The following CHN2 variants were observed in gnomAD, a reference collection of about 807,000 sequenced individuals.
The protein encoded by CHN2 is chimerin 2, also known as beta-chimaerin.
CHN2 carries 35 observed loss-of-function variants against 56.3 expected under a neutral mutation model. The ratio of observed to expected loss-of-function variants is 0.62; its 90% CI spans 0.47 to 0.82. The LOEUF is 0.82. Among genes scored for constraint, CHN2 ranks in the 40% least tolerant of loss-of-function variants. The pLI, the probability that CHN2 is intolerant of heterozygous loss-of-function variation, is 0.00. For missense variants in CHN2, 491 were observed against 580.5 expected (o/e 0.85, Z 1.58); for synonymous variants, 210 against 212.8 (o/e 0.99, Z 0.12).
intron 1 of CHN2, among the ~76,000 whole-genome samples, chr7:29,328,440 A>T (rs963307379): frequency 6.6e-5 from 10 of 152,006 alleles, no homozygotes; most frequent in Admixed American, 5.9e-4. Flanking sequence ...ACTTGGGCTG[A>T]ATTTATATAG....
At chr7:29,160,988 G>C (rs1257269703) in intron 2 of CHN2, among the ~76,000 whole-genome samples, 3 of 152,024 alleles carry the variant, frequency 2.0e-5, no homozygotes, top group African/African-American at 7.3e-5. Flanking sequence ...TCCTCTGATT[G>C]AGTTTTTCCT....
intron 6 of CHN2, among the ~76,000 whole-genome samples, chr7:29,409,792 A>G (rs1010322590): frequency 6.6e-5 from 10 of 152,254 alleles, no homozygotes; most frequent in African/African-American, 1.7e-4. Context: ...GGGATCCCCA[A>G]ACATTGGTGG....
chr7:29,455,895 A>G lies in CHN2; in HGVS notation c.577-24384A>G, dbSNP rs925530850. Among the ~76,000 whole-genome samples, 77 of 152,302 alleles carry G rather than the reference A, an allele frequency of 5.1e-4. 1 individual carries two copies. The highest frequency in any genetic ancestry group is 1.5e-3 in the African/African-American group (63 of 41,572). ...CTCAGCTCACCCTGCATTAAGAACAACAACAGCAGCCATGTGCTCAGAGCA... is the reference window on the plus strand; with the variant it reads ...CTCAGCTCACCCTGCATTAAGAACAGCAACAGCAGCCATGTGCTCAGAGCA... On this transcript the variant is annotated intron_variant, in intron 6 of 12. Coordinates refer to ENST00000222792, the MANE Select transcript of CHN2 (RefSeq NM_004067.4).
chr7:29,390,666 T>C (rs531374257), intron 3 of CHN2, among the ~76,000 whole-genome samples: 31 of 152,346 alleles, frequency 2.0e-4, no homozygotes, highest in African/African-American at 7.2e-4. Context: ...CTCATACAAT[T>C]GGAAACAGAA....
At chr7:29,405,089 G>C (rs913697453) in intron 6 of CHN2, among the ~76,000 whole-genome samples, 2 of 151,042 alleles carry the variant, frequency 1.3e-5, no homozygotes, top group African/African-American at 4.9e-5. Context: ...ATAATGCGCT[G>C]TGTATTAAAT....
chr7:29,310,928 A>G (rs1301195993), intron 1 of CHN2, among the ~76,000 whole-genome samples: 1 of 152,216 alleles, frequency 6.6e-6, no homozygotes, highest in Non-Finnish European at 1.5e-5. Context: ...AGTTTATGAC[A>G]TTGACTAAAT....
chr7:29,202,500 G>A (rs1355582160), intron 1 of CHN2, among the ~76,000 whole-genome samples: 1 of 152,214 alleles, frequency 6.6e-6, no homozygotes, highest in Admixed American at 6.5e-5. Flanking sequence ...TGTCTTTAAA[G>A]TGTCAAGTTA....
chr7:29,497,884 G>C (rs552501520), intron 8 of CHN2, among the ~76,000 whole-genome samples: 8 of 152,156 alleles, frequency 5.3e-5, no homozygotes, highest in Non-Finnish European at 1.0e-4. Flanking sequence ...AAGTTGAATG[G>C]TAGTTACAGG....
chr7:29,509,554 A>C, intron 12 of CHN2, 148 bp downstream of exon 12: 1 of 601,980 alleles, frequency 1.7e-6, no homozygotes, highest in Non-Finnish European at 2.9e-6. Context: ...TATCATCCCT[A>C]TGAAAGGGGC....
Position 29,512,771 on chromosome 7 carries a change from ATCC to A in CHN2, c.*37_*39del, listed in dbSNP as rs1260424348. ...AAATGAGCTGAATGGCCCCAGCACC[ATCC>A]AAGTTGACACAGCTAAAGGAATAAA... On this transcript the variant is annotated 3_prime_UTR_variant, in exon 13 of 13. Transcript: ENST00000222792. 1 of 1,586,284 alleles carries A rather than the reference ATCC, an allele frequency of 6.3e-7. No homozygotes were observed. Among genetic ancestry groups the A allele is most frequent in the Admixed American group, 1.8e-5 (1 of 54,126 alleles).
intron 4 of CHN2, 53 bp from the exon 5 acceptor site, chr7:29,398,320 G>A: frequency 7.4e-7 from 1 of 1,345,352 alleles, no homozygotes; most frequent in Non-Finnish European, 1.1e-6. Flanking sequence ...GTTCTTTGTG[G>A]TCCTTATTCT....
chr7:29,187,553 G>A (rs1020760081), intron 2 of CHN2, among the ~76,000 whole-genome samples: 16 of 151,904 alleles, frequency 1.1e-4, no homozygotes, highest in African/African-American at 3.9e-4. Flanking sequence ...GAGAAACCCC[G>A]TCTCTACTAA....
In CHN2 at chr7:29,392,644, G is replaced by A. The variant is rs1002070674; in HGVS notation, c.145-1035G>A. Among the ~76,000 whole-genome samples, 10 of 152,134 alleles carry A rather than the reference G, an allele frequency of 6.6e-5. 1 individual carries two copies. The South Asian group carries it at 2.1e-3, about 32-fold the overall frequency. ...CCGCCTTTCTGAGCCTCTTCCCCTA[G>A]CTCCTAGTGTCCTGTTACCTATTCA... On this transcript the variant is annotated intron_variant, in intron 3 of 12. Transcript: ENST00000222792.
intron 2 of CHN2, among the ~76,000 whole-genome samples, chr7:29,362,856 T>C (rs1798851617): frequency 6.6e-6 from 1 of 152,210 alleles, no homozygotes; most frequent in Non-Finnish European, 1.5e-5. Context: ...CCCCCATCAC[T>C]GGCATCTCCT....
intron 1 of CHN2, among the ~76,000 whole-genome samples, chr7:29,202,309 G>C (rs1784221510): frequency 6.6e-6 from 1 of 152,204 alleles, no homozygotes; most frequent in Non-Finnish European, 1.5e-5. Context: ...CCACATCAGG[G>C]CAAAGCAAAT....
intron 2 of CHN2, chr7:29,184,418 C>T (rs1252909829): frequency 2.6e-5 from 4 of 151,970 alleles, no homozygotes; most frequent in African/African-American, 9.7e-5. Flanking sequence ...GCAATTGGCT[C>T]ACTGATTACG....
At chr7:29,486,241 A>G (rs1450208203) in intron 7 of CHN2, among the ~76,000 whole-genome samples, 1 of 152,152 alleles carries the variant, frequency 6.6e-6, no homozygotes, top group Non-Finnish European at 1.5e-5. Context: ...CTGGCCCACA[A>G]GCTGTTCATT....
At chr7:29,219,881 CT>C (rs1426732926) in intron 1 of CHN2, among the ~76,000 whole-genome samples, 1 of 152,034 alleles carries the variant, frequency 6.6e-6, no homozygotes, top group African/African-American at 2.4e-5. Flanking sequence ...GGAGACCATC[CT>C]GGCTAACACA....
At chr7:29,395,188 T>C (rs759661855) in intron 4 of CHN2, among the ~76,000 whole-genome samples, 2 of 152,194 alleles carry the variant, frequency 1.3e-5, no homozygotes, top group Non-Finnish European at 2.9e-5. Flanking sequence ...ACTTTTGAAA[T>C]TGGAATTTTC....
Sources: allele counts gnomAD v4.1 joint callset (sites outside exome capture counted in the v4.1 genomes callset), GRCh38; gene constraint gnomAD v4.1.1; transcripts MANE v1.5; gene names NCBI Gene and HGNC (gene_info 2026-07-23, HGNC 2026-07-21).